Variants in KCNAB1 observed in about 807,000 individuals in gnomAD.
The protein encoded by KCNAB1 is potassium voltage-gated channel subfamily A regulatory beta subunit 1.
In KCNAB1, 35 loss-of-function variants were observed where a neutral mutation model predicts 64.6. The ratio of observed to expected loss-of-function variants is 0.54; its 90% confidence interval spans 0.41 to 0.72. The LOEUF (loss-of-function observed/expected upper bound fraction) is 0.72, where lower values mean the gene tolerates loss of function less well. KCNAB1 is among the 30% of genes least tolerant of loss of function. The pLI is 0.00. For missense variants in KCNAB1, 401 were observed against 512.9 expected, an observed-to-expected ratio of 0.78 and a Z score of 2.11; for synonymous variants, 177 against 183.8, an observed-to-expected ratio of 0.96 and a Z score of 0.30.
intron 1 of KCNAB1, among the ~76,000 whole-genome samples, chr3:156,123,129 T>A (rs1014478339): frequency 1.3e-5 from 2 of 152,188 alleles, no homozygotes; most frequent in East Asian, 1.9e-4. Context: ...ATGAGTGATA[T>A]CTCCATTAGA....
At chr3:156,419,506 A>C (rs1715325717) in intron 1 of KCNAB1, among the ~76,000 whole-genome samples, 1 of 143,376 alleles carries the variant, frequency 7.0e-6, no homozygotes, top group Non-Finnish European at 1.5e-5. Context: ...GTCTCAAAAA[A>C]AAAGAAAAAA....
intron 1 of KCNAB1, among the ~76,000 whole-genome samples, chr3:156,275,095 G>A (rs1409639144): frequency 6.6e-6 from 1 of 152,094 alleles, no homozygotes; most frequent in East Asian, 1.9e-4. Flanking sequence ...CAGATTTCAT[G>A]TATAAGTGAG....
chr3:156,531,421 GA>G lies in KCNAB1; in HGVS notation c.1097del (p.Asn366MetfsTer4). On this transcript the variant is annotated frameshift_variant, in exon 13 of 14. Transcript: ENST00000490337. LOFTEE classifies it high-confidence loss of function. ...LPQLAVAWCL[R>X]NEGVSSVLLG... ...CCTCTCCTCCCAGCGTGGTGCCTGA[GA>G]AATGAAGGTGTGAGTTCTGTGCTCC... 6.2e-7 allele frequency: 1 copy of G among 1,613,700 alleles called. No homozygotes were observed. Among genetic ancestry groups the G allele is most frequent in the African/African-American group, 1.3e-5 (1 of 75,062 alleles).
At chr3:156,531,004 G>A (rs1460215608) in intron 12 of KCNAB1, among the ~76,000 whole-genome samples, 1 of 152,106 alleles carries the variant, frequency 6.6e-6, no homozygotes, top group African/African-American at 2.4e-5. Flanking sequence ...AAGCAAAAAG[G>A]CCTTAAGCCC....
intron 1 of KCNAB1, chr3:156,227,589 C>G (rs1211033620): frequency 6.6e-6 from 1 of 152,122 alleles, no homozygotes; most frequent in Non-Finnish European, 1.5e-5. Flanking sequence ...TATTATATTT[C>G]AAGAAAGAAG....
rs773234820 is a variant in KCNAB1, at chr3:156,218,557, T to C, written c.275+97671T>C. Among the ~76,000 whole-genome samples the C allele has an allele frequency of 4.1e-4, 62 of 152,220 alleles. No homozygotes were observed. The Middle Eastern group carries it at 0.014, about 33-fold the overall frequency. ...TGCAGCTGATGTACTCTTAAAAGCG[T>C]CACCTCCTGTCTGGAGGCCAACGAA... On this transcript the variant is annotated intron_variant, in intron 1 of 13. Coordinates refer to ENST00000490337, the MANE Select transcript of KCNAB1 (RefSeq NM_172160.3).
chr3:156,245,560 T>C (rs1301701594), intron 1 of KCNAB1, among the ~76,000 whole-genome samples: 1 of 152,198 alleles, frequency 6.6e-6, no homozygotes, highest in African/African-American at 2.4e-5. Context: ...TTTTGTAATG[T>C]GAATTATATA....
At chr3:156,529,903 C>A (rs1017625665) in intron 12 of KCNAB1, among the ~76,000 whole-genome samples, 6 of 152,138 alleles carry the variant, frequency 3.9e-5, no homozygotes, top group Admixed American at 3.3e-4. Context: ...GCAGACACTG[C>A]ATCTATGAGT....
At chr3:156,430,976 G>A (rs574901999) in intron 2 of KCNAB1, among the ~76,000 whole-genome samples, 1 of 152,276 alleles carries the variant, frequency 6.6e-6, no homozygotes, top group Admixed American at 6.5e-5. Flanking sequence ...AGTTAGGGTA[G>A]ACAATGACTT....
At position 156,169,922 on chromosome 3, in the gene KCNAB1, GTCT is replaced by G. The variant is rs1711850114; in HGVS notation, c.275+49041_275+49043del. Among the ~76,000 whole-genome samples the G allele has an allele frequency of 2.0e-5, 3 of 152,170 alleles. No individual in the cohort carries two copies. In the South Asian group the frequency reaches 6.2e-4, roughly 31 times the overall value. On this transcript the variant is annotated intron_variant, in intron 1 of 13. Coordinates refer to ENST00000490337, the MANE Select transcript of KCNAB1 (RefSeq NM_172160.3). ...AGCAGTGTGAAAATGGACTAATACA[GTCT>G]TCTTTCAGTTTCTGTTCAAAGTTCA...
intron 1 of KCNAB1, among the ~76,000 whole-genome samples, chr3:156,387,591 C>T (rs891451993): frequency 2.0e-5 from 3 of 152,110 alleles, no homozygotes; most frequent in Non-Finnish European, 2.9e-5. Context: ...AAGATTGATT[C>T]TCATTTTTAA....
rs1373865662 is a variant in KCNAB1 at position 156,452,147 on chromosome 3, G to T, written c.320-752G>T. The stretch of plus-strand genomic sequence containing the variant: ...AGGAAGGGAATAAATCCTCCTTTTA[G>T]GAGGATCTATCCATAAAGGATGGAA... On this transcript the variant is annotated intron_variant, in intron 2 of 13. Coordinates refer to ENST00000490337, the MANE Select transcript of KCNAB1 (RefSeq NM_172160.3). This position sits in a 1 kb window ranked among gnomAD's most constrained non-coding sequence, Gnocchi z 4.6. 6.6e-6 allele frequency among the ~76,000 whole-genome samples: 1 copy of T among 152,180 alleles called. No individual in the cohort carries two copies. The highest frequency in any genetic ancestry group is 1.5e-5 in the Non-Finnish European group (1 of 68,016).
At chr3:156,530,980 G>A (rs1436468255) in intron 12 of KCNAB1, among the ~76,000 whole-genome samples, 3 of 152,164 alleles carry the variant, frequency 2.0e-5, no homozygotes, top group Non-Finnish European at 4.4e-5. Context: ...TGAGGTGACA[G>A]GGCCTTATGT....
At chr3:156,363,369 A>G (rs1458076677) in intron 1 of KCNAB1, among the ~76,000 whole-genome samples, 1 of 152,224 alleles carries the variant, frequency 6.6e-6, no homozygotes, top group East Asian at 1.9e-4. Context: ...AAATATTTTA[A>G]TTGAGCATTT....
chr3:156,341,499 TC>T (rs1206756386), intron 1 of KCNAB1, among the ~76,000 whole-genome samples: 1 of 152,186 alleles, frequency 6.6e-6, no homozygotes, highest in African/African-American at 2.4e-5. Context: ...ATGCTGTCAT[TC>T]CCCCCTCTTG....
intron 5 of KCNAB1, among the ~76,000 whole-genome samples, chr3:156,460,836 A>C (rs1362410759): frequency 2.6e-5 from 4 of 152,156 alleles, no homozygotes; most frequent in Non-Finnish European, 4.4e-5. Flanking sequence ...CTAGGAAGCA[A>C]AACTAAGAAG....
chr3:156,521,739 C>G lies in KCNAB1; in HGVS notation c.961-2088C>G, dbSNP rs563852265. On this transcript the variant is annotated intron_variant, in intron 11 of 13. Transcript: ENST00000490337. The stretch of plus-strand genomic sequence containing the variant: ...TTAACATTTTAATTAAGCCTCATCT[C>G]CTATCTCTGCTAACATTTTCTCATT... 2.0e-5 allele frequency among the ~76,000 whole-genome samples: 3 copies of G among 152,272 alleles called. No homozygotes were observed. In the East Asian group the frequency reaches 5.8e-4, roughly 29 times the overall value.
chr3:156,315,178 G>A (rs1281937213), intron 1 of KCNAB1, among the ~76,000 whole-genome samples: 2 of 152,212 alleles, frequency 1.3e-5, no homozygotes, highest in Non-Finnish European at 2.9e-5. Flanking sequence ...TATGGCCAAA[G>A]GAAGGTGAGG....
chr3:156,419,726 G>A (rs1042741055), intron 1 of KCNAB1, among the ~76,000 whole-genome samples: 26 of 152,134 alleles, frequency 1.7e-4, no homozygotes, highest in African/African-American at 5.8e-4. Flanking sequence ...TGATCTCCAC[G>A]GTAAGATGTA....
Sources: allele counts gnomAD v4.1 joint callset (sites outside exome capture counted in the v4.1 genomes callset), GRCh38; gene constraint gnomAD v4.1.1; non-coding constraint Gnocchi (gnomAD v3.1); transcripts MANE v1.5; gene names NCBI Gene and HGNC (gene_info 2026-07-23, HGNC 2026-07-21).